The following EFCC1 variants were observed in gnomAD, a reference collection of about 807,000 sequenced individuals.
The protein encoded by EFCC1 is EF-hand and coiled-coil domain containing 1.
A neutral mutation model predicts 52.1 loss-of-function variants in EFCC1; 50 were observed. The ratio of observed to expected loss-of-function variants is 0.96; its 90% CI spans 0.76 to 1.21. The LOEUF is 1.21. Among genes scored for constraint, EFCC1 ranks in the 50% most tolerant of loss-of-function variants. The pLI, the probability that EFCC1 is intolerant of heterozygous loss-of-function variation, is 0.00. For synonymous variants in EFCC1, 399 were observed against 396.5 expected (o/e 1.01, Z -0.08); for missense variants, 837 against 867.3 (o/e 0.97, Z 0.44).
rs569478459 is a variant in EFCC1 at position 129,031,661 on chromosome 3, T to C, written c.1138+801T>C. Among the ~76,000 whole-genome samples, 13 of 152,314 alleles carry C rather than the reference T, an allele frequency of 8.5e-5. No homozygotes were observed. In the East Asian group the frequency reaches 2.5e-3, roughly 29 times the overall value. ...CATAACTTAAAAAGTCCACACAAGCTTCAGGCACAGCTGAAGTGTCAGCAG... is the reference window on the plus strand; with the variant it reads ...CATAACTTAAAAAGTCCACACAAGCCTCAGGCACAGCTGAAGTGTCAGCAG... On this transcript the variant is annotated intron_variant, in intron 3 of 7. Coordinates refer to ENST00000683648, the MANE Select transcript of EFCC1 (RefSeq NM_001377500.1).
chr3:129,003,826 C>T lies in EFCC1; in HGVS notation c.729C>T (p.His243=). 5 of 1,465,136 alleles carry T rather than the reference C, an allele frequency of 3.4e-6. No homozygotes were observed. Among genetic ancestry groups the T allele is most frequent in the Non-Finnish European group, 4.5e-6 (5 of 1,113,126 alleles). 90.8% of individuals were successfully genotyped at this position (1,465,136 alleles called of 1,614,324 possible). ...VGLWKSQAST[H]EMGHGGPEAA... ...TCTGGAAGAGCCAGGCGAGCACCCA[C>T]GAGATGGGGCACGGCGGGCCGGAGG... The change falls in exon 2 of 8, where the codon CAC becomes CAT. Residue 243 remains histidine (H), a synonymous_variant. Transcript: ENST00000683648.
chr3:129,001,730 G>T lies in EFCC1; in HGVS notation c.102G>T (p.Leu34=). The T allele has an allele frequency of 6.5e-7, 1 of 1,526,968 alleles. No homozygotes were observed. 94.6% of individuals were successfully genotyped at this position (1,526,968 alleles called of 1,614,324 possible). A position where few individuals can be genotyped will look rare whatever the true frequency, so the allele number is the denominator to read the frequency against. Reference sequence around the variant, plus strand: ...GCACGCAGTGGCTGCTGAGCGCCCTGGCGCACCACTACGGGCTGGACCGCG... The same window carrying T: ...GCACGCAGTGGCTGCTGAGCGCCCTTGCGCACCACTACGGGCTGGACCGCG... ...ARRTQWLLSA[L]AHHYGLDRGV... Residue 34 remains leucine, a synonymous_variant, in exon 1 of 8, where the codon CTG becomes CTT. Coordinates refer to ENST00000683648, the MANE Select transcript of EFCC1 (RefSeq NM_001377500.1).
chr3:129,030,589 C>A, intron 2 of EFCC1, 114 bp from the exon 3 acceptor site: 1 of 1,261,746 alleles, frequency 7.9e-7, no homozygotes, highest in Non-Finnish European at 1.1e-6. Context: ...CTGTGGGAAG[C>A]TGACTCTGCC....
intron 4 of EFCC1, 79 bp downstream of exon 4, chr3:129,033,045 G>C: frequency 1.4e-6 from 2 of 1,429,222 alleles, no homozygotes; most frequent in Non-Finnish European, 1.8e-6. Flanking sequence ...CACCTGGGAG[G>C]CTGGTTAGCC....
chr3:129,004,118 C>T, intron 2 of EFCC1, 41 bp downstream of exon 2: 1 of 1,442,162 alleles, frequency 6.9e-7, no homozygotes, highest in Non-Finnish European at 9.1e-7. Context: ...TTCCCCAATT[C>T]GGCTCCCATT....
chr3:129,023,063 C>T (rs1255281832), intron 2 of EFCC1, among the ~76,000 whole-genome samples: 1 of 152,076 alleles, frequency 6.6e-6, no homozygotes, highest in African/African-American at 2.4e-5. Context: ...TTCATTCTTG[C>T]TTTATGTATT....
In EFCC1 at chr3:129,038,368, G is replaced by A. The variant is rs185794400; in HGVS notation, c.1594-463G>A. On this transcript the variant is annotated intron_variant, in intron 6 of 7. Transcript: ENST00000683648. The stretch of plus-strand genomic sequence containing the variant: ...AGGCAGGCAAGGGCAGTGGTTCCCA[G>A]CAGAGGCCATAGGCCATGCAGCCTC... Among the ~76,000 whole-genome samples the A allele has an allele frequency of 1.0e-3, 159 of 152,346 alleles. 4 individuals are homozygous for A. Among genetic ancestry groups the A allele is most frequent in the Non-Finnish European group, 1.2e-4 (8 of 68,030 alleles).
At chr3:129,026,123 T>G (rs956199719) in intron 2 of EFCC1, among the ~76,000 whole-genome samples, 1 of 152,242 alleles carries the variant, frequency 6.6e-6, no homozygotes, top group Non-Finnish European at 1.5e-5. Flanking sequence ...TTTGAAATAT[T>G]GAGAACAGCT....
At chr3:129,015,573 A>T (rs142762796) in intron 2 of EFCC1, among the ~76,000 whole-genome samples, 11 of 77,590 alleles carry the variant, frequency 1.4e-4, no homozygotes, top group African/African-American at 4.3e-4. Context: ...GCCCAGGCTG[A>T]CACCCTGCAC....
At chr3:129,030,541 G>T in intron 2 of EFCC1, 162 bp from the exon 3 acceptor site, 1 of 760,378 alleles carries the variant, frequency 1.3e-6, no homozygotes, top group Non-Finnish European at 1.8e-6. Flanking sequence ...AGCTGCAAGG[G>T]ATGCTGGGAA....
At position 129,010,335 on chromosome 3, in the gene EFCC1, A is replaced by G. The variant is rs1945263995; in HGVS notation, c.980+6258A>G. Reference sequence around the variant, plus strand: ...GAGTCCCCTTGATGGGGCCTTCAGGACACCGGGGCAGGGCAGGCAGCCTAG... The same window carrying G: ...GAGTCCCCTTGATGGGGCCTTCAGGGCACCGGGGCAGGGCAGGCAGCCTAG... On this transcript the variant is annotated intron_variant, in intron 2 of 7. Transcript: ENST00000683648. The surrounding 1 kb of genome is among the most constrained non-coding windows in gnomAD (Gnocchi z 4.3). Among the ~76,000 whole-genome samples, 1 of 152,156 alleles carries G rather than the reference A, an allele frequency of 6.6e-6. No homozygotes were observed.
Position 129,002,201 on chromosome 3 carries a change from C to G in EFCC1, c.573C>G (p.Pro191=), listed in dbSNP as rs1488758841. Residue 191 remains proline (P), a synonymous_variant, in exon 1 of 8, where the codon CCC becomes CCG. Coordinates refer to ENST00000683648, the MANE Select transcript of EFCC1 (RefSeq NM_001377500.1). ...RRRRPPCAPG[P]DSGPDCERVA... ...GCCGCCCGCCCTGCGCGCCTGGCCC[C>G]GACAGCGGTCCTGACTGTGAGCGCG... is the stretch of plus-strand genomic sequence containing the variant. The G allele has an allele frequency of 4.0e-6, 6 of 1,512,086 alleles. No individual in the cohort carries two copies. The highest frequency in any genetic ancestry group is 2.7e-5 in the East Asian group (1 of 37,370). The allele number at this position is 1,512,086 out of a possible 1,614,324, so 93.7% of individuals were successfully genotyped here. A position where few individuals can be genotyped will look rare whatever the true frequency, so the allele number is the denominator to read the frequency against.
Position 129,028,133 on chromosome 3 carries a change from G to A in EFCC1, c.981-2570G>A, listed in dbSNP as rs1576774909. ...GGAGCCTCACCTTTTCACCCAGGCT[G>A]CAGTACAGTGGTGCGATCTAGGTTA... On this transcript the variant is annotated intron_variant, in intron 2 of 7. Coordinates refer to ENST00000683648, the MANE Select transcript of EFCC1 (RefSeq NM_001377500.1). Among the ~76,000 whole-genome samples the A allele has an allele frequency of 2.0e-5, 3 of 150,014 alleles. No individual in the cohort carries two copies. In the East Asian group the frequency reaches 5.9e-4, roughly 29 times the overall value.
In EFCC1 at chr3:129,010,888, G is replaced by A. The variant is rs936955366; in HGVS notation, c.980+6811G>A. ...CCCCAGGCCCTCAGGATGCACAGGG[G>A]GCTTGGTGGGTGGGGGCCTAGGCTC... On this transcript the variant is annotated intron_variant, in intron 2 of 7. Transcript: ENST00000683648. The surrounding 1 kb of genome is among the most constrained non-coding windows in gnomAD (Gnocchi z 4.3). Among the ~76,000 whole-genome samples the A allele has an allele frequency of 6.6e-6, 1 of 152,222 alleles. No homozygotes were observed. The highest frequency in any genetic ancestry group is 1.5e-5 in the Non-Finnish European group (1 of 68,050).
intron 2 of EFCC1, among the ~76,000 whole-genome samples, chr3:129,026,753 C>T (rs936003476): frequency 3.3e-5 from 5 of 152,136 alleles, no homozygotes; most frequent in Non-Finnish European, 5.9e-5. Context: ...ACTGGCACCT[C>T]CCCAGTGAGA....
At chr3:129,002,657 TC>T in intron 1 of EFCC1, 1 of 348,584 alleles carries the variant, frequency 2.9e-6, no homozygotes, top group Non-Finnish European at 5.1e-6. Context: ...TCTCACATAT[TC>T]CCTTTCAACA....
chr3:129,033,808 A>C (rs1365426905), intron 4 of EFCC1, among the ~76,000 whole-genome samples: 2 of 152,150 alleles, frequency 1.3e-5, no homozygotes. Flanking sequence ...CAGGGAAGGA[A>C]ATGAGGGAAT....
chr3:129,032,424 G>A (rs1946290247), intron 3 of EFCC1, among the ~76,000 whole-genome samples: 1 of 151,986 alleles, frequency 6.6e-6, no homozygotes, highest in South Asian at 2.1e-4. Context: ...GAGACAGGAG[G>A]ATCACTTGAG....
chr3:129,038,979 T>C lies in EFCC1; in HGVS notation c.1663+79T>C, dbSNP rs867391984. The C allele has an allele frequency of 1.7e-5, 21 of 1,221,250 alleles. No homozygotes were observed. In the East Asian group the frequency reaches 4.2e-4, roughly 24 times the overall value. The allele number at this position is 1,221,250 out of a possible 1,614,324, so 75.7% of individuals were successfully genotyped here. A position where few individuals can be genotyped will look rare whatever the true frequency, so the allele number is the denominator to read the frequency against. ...GAGGAGGAGACTCCAGTGTGCTTCA[T>C]GCTTAGCATCTTGTCTGCAAAACAA... is the stretch of plus-strand genomic sequence containing the variant. On this transcript the variant is annotated intron_variant, in intron 7 of 7. Transcript: ENST00000683648.
Sources: allele counts gnomAD v4.1 joint callset (sites outside exome capture counted in the v4.1 genomes callset), GRCh38; gene constraint gnomAD v4.1.1; non-coding constraint Gnocchi (gnomAD v3.1); transcripts MANE v1.5; gene names NCBI Gene and HGNC (gene_info 2026-07-23, HGNC 2026-07-21).